C2orf42: variants seen among roughly 807,000 people sequenced by gnomAD.
The protein encoded by C2orf42 is uncharacterized protein C2orf42.
Under a neutral mutation model 58.9 loss-of-function variants are expected in C2orf42, and 44 were observed. The ratio of observed to expected loss-of-function variants is 0.75; its 90% CI spans 0.59 to 0.96. C2orf42 has a LOEUF of 0.96. Among genes scored for constraint, C2orf42 ranks in the 40% least tolerant of loss-of-function variants. The pLI is 0.00. For synonymous variants in C2orf42, 239 were observed against 265.4 expected (o/e 0.90, Z 0.97); for missense variants, 630 against 699.2 (o/e 0.90, Z 1.12).
At chr2:70,184,774 C>T (rs534117369) in intron 1 of C2orf42, among the ~76,000 whole-genome samples, 1 of 151,938 alleles carries the variant, frequency 6.6e-6, no homozygotes, top group Admixed American at 6.6e-5. Context: ...AGCCACCATG[C>T]CCAGTGGTCT....
chr2:70,150,447 C>T lies in C2orf42; in HGVS notation c.1634G>A (p.Arg545Gln), dbSNP rs1238260696. 2.2e-5 allele frequency: 36 copies of T among 1,613,984 alleles called. No individual in the cohort carries two copies. The highest frequency in any genetic ancestry group is 2.8e-5 in the Non-Finnish European group (33 of 1,179,990). Residue 545 changes from arginine (R) to glutamine (Q), a missense_variant, in exon 10 of 10, where the codon CGG (arginine) becomes CAG (glutamine). By Grantham distance (43) the Arg-to-Gln change is conservative. Coordinates refer to ENST00000264434, the MANE Select transcript of C2orf42 (RefSeq NM_017880.3). ...LRIKFEYGHH[R>Q]NGHVAEYQDQ... is the part of the protein sequence containing the mutation. ...TTGGTACTCCGCCACATGCCCATTC[C>T]GGTGGTGGCCATACTCAAACTTGAT...
chr2:70,157,921 C>T (rs1436887127), intron 9 of C2orf42, among the ~76,000 whole-genome samples: 3 of 151,992 alleles, frequency 2.0e-5, no homozygotes, highest in Non-Finnish European at 4.4e-5. Flanking sequence ...GAAATTAAGG[C>T]CGGGCTTGGT....
intron 6 of C2orf42, among the ~76,000 whole-genome samples, chr2:70,167,290 G>A (rs1239069956): frequency 2.0e-5 from 3 of 151,844 alleles, no homozygotes; most frequent in Non-Finnish European, 2.9e-5. Context: ...CCTGGGAGGC[G>A]GAGGTTGCAG....
intron 3 of C2orf42, among the ~76,000 whole-genome samples, chr2:70,180,034 G>A (rs1295810730): frequency 6.6e-6 from 1 of 152,186 alleles, no homozygotes; most frequent in African/African-American, 2.4e-5. Flanking sequence ...GCTCACGTCT[G>A]TAATCCCAGC....
chr2:70,172,892 G>T (rs1015583351), intron 5 of C2orf42, among the ~76,000 whole-genome samples: 3 of 152,144 alleles, frequency 2.0e-5, no homozygotes, highest in Admixed American at 1.3e-4. Flanking sequence ...GCCAAGCACA[G>T]TGGCTAATTG....
At chr2:70,177,595 T>A (rs1674277065) in intron 4 of C2orf42, among the ~76,000 whole-genome samples, 2 of 152,272 alleles carry the variant, frequency 1.3e-5, no homozygotes, top group East Asian at 1.9e-4. Flanking sequence ...ACCTGATCCA[T>A]CCCTAGCAAT....
intron 8 of C2orf42, among the ~76,000 whole-genome samples, chr2:70,163,904 T>C (rs1673224121): frequency 6.6e-6 from 1 of 151,810 alleles, no homozygotes; most frequent in African/African-American, 2.4e-5. Context: ...AAGAGGCAGA[T>C]TACACCTGTA....
chr2:70,169,248 CA>C (rs781746118), intron 6 of C2orf42, among the ~76,000 whole-genome samples: 3,799 of 62,674 alleles, frequency 0.061, 330 homozygotes, highest in Admixed American at 0.32. Flanking sequence ...TCTCCCTCAC[CA>C]CACACACACA....
intron 6 of C2orf42, among the ~76,000 whole-genome samples, chr2:70,167,674 G>A (rs1410545410): frequency 6.6e-6 from 1 of 152,084 alleles, no homozygotes; most frequent in Non-Finnish European, 1.5e-5. Flanking sequence ...CTGGGAGGTG[G>A]AGGTTGCAGT....
rs1352185113 is a variant in C2orf42 at position 70,160,636 on chromosome 2, A to C, written c.1505T>G (p.Phe502Cys). 1.2e-6 allele frequency: 2 copies of C among 1,603,644 alleles called. No individual in the cohort carries two copies. The highest frequency in any genetic ancestry group is 1.7e-6 in the Non-Finnish European group (2 of 1,177,258). The change falls in exon 9 of 10, where the codon TTT becomes TGT. Residue 502 changes from phenylalanine (F) to cysteine (C), a missense_variant. Coordinates refer to ENST00000264434, the MANE Select transcript of C2orf42 (RefSeq NM_017880.3). Reference protein sequence around the residue: ...PVLRPLELKTFLKVGNTSPDQ... With the variant: ...PVLRPLELKTCLKVGNTSPDQ... ...TGAAGTTCACTTACCAACTTTGAGA[A>C]AAGTTTTTAGTTCCAAGGGTCGCAG...
At chr2:70,166,739 A>G (rs1453509132) in intron 6 of C2orf42, among the ~76,000 whole-genome samples, 1 of 152,122 alleles carries the variant, frequency 6.6e-6, no homozygotes, top group Non-Finnish European at 1.5e-5. Flanking sequence ...TCCACCAAGT[A>G]TAACATTTCA....
At chr2:70,158,094 G>T (rs754234688) in intron 9 of C2orf42, among the ~76,000 whole-genome samples, 13 of 151,840 alleles carry the variant, frequency 8.6e-5, no homozygotes, top group Non-Finnish European at 1.6e-4. Flanking sequence ...AGCTACTCAG[G>T]AGGCTGAGGC....
In C2orf42 at chr2:70,181,391, G is replaced by A; in HGVS notation, c.595C>T (p.His199Tyr). 1 of 1,614,084 alleles carries A rather than the reference G, an allele frequency of 6.2e-7. No individual in the cohort carries two copies. Among genetic ancestry groups the A allele is most frequent in the Non-Finnish European group, 8.5e-7 (1 of 1,179,970 alleles). ...GATGTATGCAAATACCCCAAACTGT[G>A]CTTCTGGCTTGCCTTGCATTTCACC... is the stretch of plus-strand genomic sequence containing the variant. The part of the protein sequence containing the change: ...LVVKCKASQK[H>Y]SLGYLHTSFV... Residue 199 changes from histidine to tyrosine, a missense_variant, in exon 3 of 10, where the codon CAC becomes TAC. Coordinates refer to ENST00000264434, the MANE Select transcript of C2orf42 (RefSeq NM_017880.3).
chr2:70,174,216 G>A (rs1201811455), intron 5 of C2orf42, among the ~76,000 whole-genome samples: 3 of 152,038 alleles, frequency 2.0e-5, no homozygotes, highest in Non-Finnish European at 4.4e-5. Flanking sequence ...GCTAAAACAG[G>A]AGAATCGCTT....
chr2:70,160,685 C>G lies in C2orf42; in HGVS notation c.1456G>C (p.Gly486Arg), dbSNP rs150172838. ...VEVESIAETY[G>R]RIEKQPVLRP... is the part of the protein sequence containing the mutation. ...AGCACTGGTTGTTTTTCTATACGAC[C>G]GTAGGTTTCTGCTATGCTTTCTACT... Residue 486 changes from glycine (G) to arginine (R), a missense_variant, in exon 9 of 10, where the codon GGT (glycine) becomes CGT (arginine). Coordinates refer to ENST00000264434, the MANE Select transcript of C2orf42 (RefSeq NM_017880.3). 1.8e-5 allele frequency: 29 copies of G among 1,613,014 alleles called. 1 individual carries two copies. The South Asian group carries it at 2.6e-4, about 15-fold the overall frequency.
In C2orf42 at chr2:70,154,414, TAAAAAAAAAAAAAAAAA is replaced by T. The variant is rs36028499; in HGVS notation, c.1517-3867_1517-3851del. Among the ~76,000 whole-genome samples the T allele has an allele frequency of 2.2e-3, 57 of 25,608 alleles. 1 individual carries two copies. The highest frequency in any genetic ancestry group is 6.6e-3 in the African/African-American group (45 of 6,804). 16.8% of individuals were successfully genotyped at this position (25,608 alleles called of 152,430 possible). A position where few individuals can be genotyped will look rare whatever the true frequency, so the allele number is the denominator to read the frequency against. Reference sequence around the variant, plus strand: ...CCCCATCTCTGTAAGAAATTTTTACTAAAAAAAAAAAAAAAAAAAAAAAAAAAAAAATCTGACATGGT... The same window carrying T: ...CCCCATCTCTGTAAGAAATTTTTACTAAAAAAAAAAAAAATCTGACATGGT... On this transcript the variant is annotated intron_variant, in intron 9 of 9. Transcript: ENST00000264434.
chr2:70,173,768 C>T (rs1673994201), intron 5 of C2orf42, among the ~76,000 whole-genome samples: 1 of 151,976 alleles, frequency 6.6e-6, no homozygotes, highest in South Asian at 2.1e-4. Flanking sequence ...AGGCATGTGA[C>T]ACAACACCCA....
chr2:70,189,887 A>T (rs1053702431), intron 1 of C2orf42, among the ~76,000 whole-genome samples: 1 of 151,696 alleles, frequency 6.6e-6, no homozygotes, highest in Admixed American at 6.6e-5. Flanking sequence ...TACACTGTGG[A>T]GTGAAAAAAG....
At chr2:70,159,219 A>T (rs955679186) in intron 9 of C2orf42, among the ~76,000 whole-genome samples, 3 of 152,140 alleles carry the variant, frequency 2.0e-5, no homozygotes, top group Non-Finnish European at 2.9e-5. Context: ...AGCTACAAAA[A>T]TAAAACAGTT....
Sources: gnomAD v4.1 joint callset for allele counts (sites outside exome capture counted in the v4.1 genomes callset) on GRCh38, gnomAD v4.1.1 for gene constraint, MANE v1.5 for transcripts, NCBI Gene and HGNC (gene_info 2026-07-23, HGNC 2026-07-21) for gene names.